The following LOXL1 variants were observed in gnomAD, a reference collection of about 807,000 sequenced individuals.
LOXL1 encodes the protein lysyl oxidase like 1.
In LOXL1, 31 loss-of-function variants were observed where a neutral mutation model predicts 62.2. The observed-to-expected ratio is 0.50, with a 90% CI of 0.37 to 0.67. The LOEUF (loss-of-function observed/expected upper bound fraction) is 0.67. Among genes scored for constraint, LOXL1 ranks in the 30% least tolerant of loss-of-function variants. The probability of loss-of-function intolerance (pLI) is 0.00; values close to 1 mark genes in which losing one functional copy is unlikely to be tolerated. For missense variants in LOXL1, 775 were observed against 843.4 expected, an observed-to-expected ratio of 0.92 and a Z score of 1.00; for synonymous variants, 403 against 384.4, an observed-to-expected ratio of 1.05 and a Z score of -0.56.
At chr15:73,932,407 A>G (rs1595844145) in intron 1 of LOXL1, among the ~76,000 whole-genome samples, 2 of 152,132 alleles carry the variant, frequency 1.3e-5, no homozygotes, top group Non-Finnish European at 2.9e-5. Flanking sequence ...AAAAAAATTT[A>G]TATATTATTG....
intron 4 of LOXL1, 109 bp from the exon 5 acceptor site, chr15:73,947,698 G>A: frequency 2.6e-6 from 2 of 769,432 alleles, no homozygotes; most frequent in Admixed American, 2.1e-5. Flanking sequence ...CTGGGCCAGG[G>A]TCAGGGGAGA....
intron 1 of LOXL1, among the ~76,000 whole-genome samples, chr15:73,937,246 G>T (rs923320600): frequency 4.6e-5 from 7 of 152,230 alleles, no homozygotes; most frequent in Non-Finnish European, 2.9e-5. Context: ...AGTGTGACAG[G>T]TTCCTCCTAC....
chr15:73,939,552 A>G (rs1208371603), intron 1 of LOXL1, among the ~76,000 whole-genome samples: 1 of 152,238 alleles, frequency 6.6e-6, no homozygotes, highest in African/African-American at 2.4e-5. Context: ...TAGAAAAGGC[A>G]TAACTAATCT....
In LOXL1 at chr15:73,947,717, G is replaced by C. The variant is rs1595849199; in HGVS notation, c.1507-90G>C. The C allele has an allele frequency of 3.3e-6, 3 of 902,070 alleles. No individual in the cohort carries two copies. In the East Asian group the frequency reaches 7.5e-5, roughly 23 times the overall value. The allele number at this position is 902,070 out of a possible 1,614,324, so 55.9% of individuals were successfully genotyped here. ...GCCAGGGTCAGGGGAGAAACCCAGG[G>C]GAAGGTGGGCCAGAAACTCCTGAAG... On this transcript the variant is annotated intron_variant, in intron 4 of 6. Coordinates refer to ENST00000261921, the MANE Select transcript of LOXL1 (RefSeq NM_005576.4).
chr15:73,934,560 C>T (rs183844597), intron 1 of LOXL1, among the ~76,000 whole-genome samples: 31 of 152,256 alleles, frequency 2.0e-4, no homozygotes, highest in Middle Eastern at 3.4e-3. Context: ...TGCCTGGCTG[C>T]AGAAGGCAGA....
intron 6 of LOXL1, among the ~76,000 whole-genome samples, chr15:73,951,554 C>T (rs1198137429): frequency 6.6e-6 from 1 of 152,044 alleles, no homozygotes; most frequent in Non-Finnish European, 1.5e-5. Context: ...AAAGTATTTC[C>T]AGACAGTAGC....
chr15:73,948,473 C>A (rs965419202), intron 5 of LOXL1, among the ~76,000 whole-genome samples: 4 of 152,188 alleles, frequency 2.6e-5, no homozygotes, highest in African/African-American at 9.7e-5. Context: ...ATGGGCCCAC[C>A]TGGGGAAGCC....
chr15:73,951,309 C>G (rs1210519768), intron 6 of LOXL1, among the ~76,000 whole-genome samples: 2 of 152,156 alleles, frequency 1.3e-5, no homozygotes, highest in African/African-American at 4.8e-5. Context: ...CAGGGGGAGC[C>G]AAAGCCCTTC....
rs946039377 is a variant in LOXL1, at chr15:73,946,510, C to T, written c.1305C>T (p.Leu435=). The T allele has an allele frequency of 1.2e-6, 2 of 1,610,660 alleles. No homozygotes were observed. The change falls in exon 3 of 7, where the codon CTC becomes CTT. Residue 435 remains leucine, a synonymous_variant. Coordinates refer to ENST00000261921, the MANE Select transcript of LOXL1 (RefSeq NM_005576.4). The part of the protein sequence containing the change: ...RVKNQGTADF[L]PNRPRHTWEW... ...AGAACCAGGGCACAGCAGACTTCCTCCCCAACCGGCCACGGCACACCTGGG... is the reference window on the plus strand; with the variant it reads ...AGAACCAGGGCACAGCAGACTTCCTTCCCAACCGGCCACGGCACACCTGGG...
At position 73,946,457 on chromosome 15, in the gene LOXL1, G is replaced by T. The variant is rs1440573035; in HGVS notation, c.1252G>T (p.Val418Leu). The change falls in exon 3 of 7, where the codon GTG becomes TTG. Residue 418 changes from valine to leucine, a missense_variant. Physicochemically the swap from Val to Leu is conservative, Grantham distance 32 (BLOSUM62 1). Transcript: ENST00000261921. ...TGAGGCCACCGACTACGATGTGCGG[G>T]TGCTACTGCGCTTCCCCCAGCGCGT... ...APEATDYDVR[V>L]LLRFPQRVKN... 1 of 1,613,412 alleles carries T rather than the reference G, an allele frequency of 6.2e-7. No individual in the cohort carries two copies. The highest frequency in any genetic ancestry group is 8.5e-7 in the Non-Finnish European group (1 of 1,179,808).
rs1490396190 is a variant in LOXL1, at chr15:73,930,148, A to C, written c.1102+2263A>C. Among the ~76,000 whole-genome samples the C allele has an allele frequency of 1.3e-5, 2 of 152,210 alleles. No individual in the cohort carries two copies. The highest frequency in any genetic ancestry group is 2.4e-5 in the African/African-American group (1 of 41,452). ...TCAAGTCCAGGCCCTTCCCTGGGGC[A>C]GTCTACCAGGAGGGGCATCTCAGTG... On this transcript the variant is annotated intron_variant, in intron 1 of 6. Transcript: ENST00000261921. The surrounding 1 kb of genome is among the most constrained non-coding windows in gnomAD (Gnocchi z 4.7).
intron 6 of LOXL1, among the ~76,000 whole-genome samples, chr15:73,950,372 G>GC (rs1472549162): frequency 6.6e-6 from 1 of 151,938 alleles, no homozygotes; most frequent in Non-Finnish European, 1.5e-5. Flanking sequence ...AGATCTTAAG[G>GC]CCCAGAGAGG....
chr15:73,948,524 A>G (rs1360767849), intron 5 of LOXL1, among the ~76,000 whole-genome samples: 3 of 152,162 alleles, frequency 2.0e-5, no homozygotes, highest in Admixed American at 6.5e-5. Context: ...ATGAGTAGGG[A>G]TCATTCCACC....
At chr15:73,944,367 G>A (rs753293724) in intron 2 of LOXL1, among the ~76,000 whole-genome samples, 116 of 152,216 alleles carry the variant, frequency 7.6e-4, no homozygotes, top group Admixed American at 9.2e-4. Flanking sequence ...CCTGTCCTCT[G>A]TCCTGGAGGG....
chr15:73,943,038 T>A, intron 2 of LOXL1, 76 bp downstream of exon 2: 7 of 1,168,676 alleles, frequency 6.0e-6, no homozygotes, highest in Non-Finnish European at 7.7e-6. Flanking sequence ...TAGCTGTGGC[T>A]GCCAGCTAGG....
At chr15:73,940,966 G>T (rs1161148594) in intron 1 of LOXL1, among the ~76,000 whole-genome samples, 1 of 152,190 alleles carries the variant, frequency 6.6e-6, no homozygotes, top group Non-Finnish European at 1.5e-5. Flanking sequence ...GGCCTGGGGT[G>T]GGGGCAGCAA....
At chr15:73,948,714 A>T (rs754099019) in intron 5 of LOXL1, among the ~76,000 whole-genome samples, 4 of 152,164 alleles carry the variant, frequency 2.6e-5, no homozygotes, top group Non-Finnish European at 4.4e-5. Flanking sequence ...TTGCTCCTCC[A>T]GGGCCTGGGG....
chr15:73,927,353 C>A lies in LOXL1; in HGVS notation c.570C>A (p.Asn190Lys), dbSNP rs1332951832. The change falls in exon 1 of 7, where the codon AAC becomes AAA. Residue 190 changes from asparagine to lysine, a missense_variant. Physicochemically the swap from Asn to Lys is moderately conservative, Grantham distance 94 (BLOSUM62 0). Transcript: ENST00000261921. ...PQAPFVSQYE[N>K]YDPASRTYDQ... ...CGCCCTTCGTCAGCCAGTACGAGAA[C>A]TACGACCCCGCGTCGCGGACCTACG... 6.3e-7 allele frequency: 1 copy of A among 1,592,082 alleles called. No homozygotes were observed. The highest frequency in any genetic ancestry group is 2.3e-5 in the East Asian group (1 of 42,754).
Position 73,927,239 on chromosome 15 carries a change from G to A in LOXL1, c.456G>A (p.Gly152=). 1 of 1,598,222 alleles carries A rather than the reference G, an allele frequency of 6.3e-7. No individual in the cohort carries two copies. The highest frequency in any genetic ancestry group is 2.3e-5 in the East Asian group (1 of 44,134). Residue 152 remains glycine, a synonymous_variant, in exon 1 of 7, where the codon GGG becomes GGA. Coordinates refer to ENST00000261921, the MANE Select transcript of LOXL1 (RefSeq NM_005576.4). ...ARTSVSQQRH[G]GSASSVSASA... Reference sequence around the variant, plus strand: ...CCTCCGTCTCCCAGCAACGGCACGGGGGCTCCGCCTCCTCGGTCTCGGCTT... The same window carrying A: ...CCTCCGTCTCCCAGCAACGGCACGGAGGCTCCGCCTCCTCGGTCTCGGCTT...
Sources: gnomAD v4.1 joint callset for allele counts (sites outside exome capture counted in the v4.1 genomes callset) on GRCh38, gnomAD v4.1.1 for gene constraint, Gnocchi (gnomAD v3.1) non-coding constraint, MANE v1.5 for transcripts, NCBI Gene and HGNC (gene_info 2026-07-23, HGNC 2026-07-21) for gene names.